DSG2: variants seen among roughly 807,000 people sequenced by gnomAD.
DSG2 encodes the protein desmoglein 2, also known as desmoglein-2.
Under a neutral mutation model 75.6 loss-of-function variants are expected in DSG2, and 45 were observed. The observed-to-expected ratio is 0.60, with a 90% confidence interval of 0.47 to 0.76. DSG2 has a LOEUF of 0.76. Among genes scored for constraint, DSG2 ranks in the 30% least tolerant of loss-of-function variants. The probability of loss-of-function intolerance (pLI) is 0.00; values close to 1 mark genes in which losing one functional copy is unlikely to be tolerated. For missense variants in DSG2, 1,267 were observed against 1,357.4 expected, an observed-to-expected ratio of 0.93 and a Z score of 1.05; for synonymous variants, 429 against 483.9, an observed-to-expected ratio of 0.89 and a Z score of 1.49.
At chr18:31,545,679 A>G in intron 14 of DSG2, 42 bp from the exon 15 acceptor site, 1 of 1,600,812 alleles carries the variant, frequency 6.2e-7, no homozygotes, top group South Asian at 1.1e-5. Context: ...ATTGCTAATT[A>G]TTTGTCTGTT....
At chr18:31,545,624 G>A in intron 14 of DSG2, 97 bp from the exon 15 acceptor site, 2 of 1,389,522 alleles carry the variant, frequency 1.4e-6, no homozygotes, top group Non-Finnish European at 2.0e-6. Flanking sequence ...TCACATTACT[G>A]CATTTTGAAC....
Position 31,526,139 on chromosome 18 carries a change from G to A in DSG2, c.1014+1251G>A, listed in dbSNP as rs1021189346. On this transcript the variant is annotated intron_variant, in intron 8 of 14. Transcript: ENST00000261590. Reference sequence around the variant, plus strand: ...AGCCTGGGCAATAGAGTGAGATTCCGTCTCAAGAAATATAGGTAAGGAATA... The same window carrying A: ...AGCCTGGGCAATAGAGTGAGATTCCATCTCAAGAAATATAGGTAAGGAATA... Among the ~76,000 whole-genome samples, 11 of 152,152 alleles carry A rather than the reference G, an allele frequency of 7.2e-5. No individual in the cohort carries two copies. The East Asian group carries it at 7.7e-4, about 11-fold the overall frequency.
chr18:31,525,081 A>G (rs945415753), intron 8 of DSG2, among the ~76,000 whole-genome samples, 193 bp downstream of exon 8: 1 of 152,202 alleles, frequency 6.6e-6, no homozygotes, highest in Non-Finnish European at 1.5e-5. Context: ...GTTCAAATTC[A>G]TATCAGGGGA....
At chr18:31,522,926 AC>A (rs2073137605) in intron 6 of DSG2, among the ~76,000 whole-genome samples, 1 of 152,240 alleles carries the variant, frequency 6.6e-6, no homozygotes, top group Non-Finnish European at 1.5e-5. Context: ...CGAACATTTC[AC>A]TTTATTATTT....
At chr18:31,511,591 T>C (rs188735209) in intron 1 of DSG2, among the ~76,000 whole-genome samples, 1 of 152,280 alleles carries the variant, frequency 6.6e-6, no homozygotes, top group Admixed American at 6.5e-5. Context: ...TTTTGTACAA[T>C]GAATGAAGCA....
At position 31,536,512 on chromosome 18, in the gene DSG2, A is replaced by C. The variant is rs943143131; in HGVS notation, c.1651+83A>C. The C allele has an allele frequency of 2.0e-5, 27 of 1,364,656 alleles. No individual in the cohort carries two copies. The African/African-American group carries it at 2.7e-4, about 14-fold the overall frequency. 84.5% of individuals were successfully genotyped at this position (1,364,656 alleles called of 1,614,324 possible). ...ATTTGTAAGTTGTATTTCTTCTCAT[A>C]AATTATATTTCCAATATAGTTTTTT... On this transcript the variant is annotated intron_variant, in intron 11 of 14. Coordinates refer to ENST00000261590, the MANE Select transcript of DSG2 (RefSeq NM_001943.5).
intron 1 of DSG2, among the ~76,000 whole-genome samples, chr18:31,505,155 C>G (rs1296305378): frequency 6.6e-6 from 1 of 152,216 alleles, no homozygotes; most frequent in African/African-American, 2.4e-5. Flanking sequence ...TCCTTATTTT[C>G]TACTTGCCAC....
At position 31,546,279 on chromosome 18, in the gene DSG2, G is replaced by C. The variant is rs1326783146; in HGVS notation, c.2893G>C (p.Glu965Gln). 1 of 1,602,698 alleles carries C rather than the reference G, an allele frequency of 6.2e-7. No homozygotes were observed. Among genetic ancestry groups the C allele is most frequent in the Non-Finnish European group, 8.5e-7 (1 of 1,173,620 alleles). Residue 965 changes from glutamate (E) to glutamine (Q), a missense_variant, in exon 15 of 15, where the codon GAG becomes CAG. By Grantham distance (29) the Glu-to-Gln change is conservative. Transcript: ENST00000261590. ...CCAGCCACAGAGCCTTATTGTGACAGAGAGGGTGTATGCTCCAGCTTCTAC... is the reference window on the plus strand; with the variant it reads ...CCAGCCACAGAGCCTTATTGTGACACAGAGGGTGTATGCTCCAGCTTCTAC... ...PSQPQSLIVT[E>Q]RVYAPASTLV...
At chr18:31,518,171 C>A in intron 1 of DSG2, 68 bp from the exon 2 acceptor site, 1 of 1,247,254 alleles carries the variant, frequency 8.0e-7, no homozygotes, top group South Asian at 1.2e-5. Flanking sequence ...GTAGGTTATT[C>A]ATGAACAATG....
chr18:31,520,490 T>C (rs1467848674), intron 3 of DSG2, among the ~76,000 whole-genome samples: 1 of 152,206 alleles, frequency 6.6e-6, no homozygotes, highest in Non-Finnish European at 1.5e-5. Flanking sequence ...CTTTTCTTCA[T>C]AAGTTCTACC....
intron 12 of DSG2, among the ~76,000 whole-genome samples, chr18:31,539,743 T>C (rs1199106202): frequency 1.3e-5 from 2 of 152,194 alleles, no homozygotes; most frequent in African/African-American, 4.8e-5. Flanking sequence ...ACCCCCAGGC[T>C]ACAGACCAGC....
At chr18:31,521,529 A>G (rs1011322088) in intron 5 of DSG2, among the ~76,000 whole-genome samples, 1 of 152,174 alleles carries the variant, frequency 6.6e-6, no homozygotes, top group African/African-American at 2.4e-5. Context: ...ATATGTAAAC[A>G]AATGAGCCTA....
At chr18:31,507,966 A>G (rs1223431569) in intron 1 of DSG2, among the ~76,000 whole-genome samples, 1 of 152,158 alleles carries the variant, frequency 6.6e-6, no homozygotes, top group Non-Finnish European at 1.5e-5. Flanking sequence ...TTTTGTTGCC[A>G]TTGCTTTAGG....
chr18:31,533,314 A>AT (rs539649135), intron 9 of DSG2, among the ~76,000 whole-genome samples: 4 of 151,340 alleles, frequency 2.6e-5, no homozygotes, highest in African/African-American at 7.3e-5. Context: ...ACAAAAAAAA[A>AT]TTTTTTTTTC....
Position 31,545,944 on chromosome 18 carries a change from A to T in DSG2, c.2558A>T (p.Gln853Leu). The part of the protein sequence containing the change: ...QKIDINKEIE[Q>L]RQKPATETSM... Reference sequence around the variant, plus strand: ...ATAGATATAAATAAGGAAATTGAGCAGAGACAAAAACCTGCCACAGAAACA... The same window carrying T: ...ATAGATATAAATAAGGAAATTGAGCTGAGACAAAAACCTGCCACAGAAACA... Residue 853 changes from glutamine (Q) to leucine (L), a missense_variant, in exon 15 of 15, where the codon CAG (glutamine) becomes CTG (leucine). By Grantham distance (113) the Gln-to-Leu change is moderately radical (BLOSUM62 -2). Transcript: ENST00000261590. 1.2e-6 allele frequency: 2 copies of T among 1,614,218 alleles called. No homozygotes were observed. Among genetic ancestry groups the T allele is most frequent in the Non-Finnish European group, 1.7e-6 (2 of 1,180,050 alleles).
chr18:31,513,217 C>A (rs2073076428), intron 1 of DSG2, among the ~76,000 whole-genome samples: 1 of 152,340 alleles, frequency 6.6e-6, no homozygotes, highest in East Asian at 1.9e-4. Context: ...TTGAACGATT[C>A]TGTAACTTAA....
intron 1 of DSG2, among the ~76,000 whole-genome samples, chr18:31,505,689 GTC>G (rs1483001188): frequency 6.3e-5 from 9 of 142,996 alleles, no homozygotes; most frequent in Non-Finnish European, 1.2e-4. Context: ...TTGAGATGGA[GTC>G]TCTCTCTTTC....
intron 1 of DSG2, among the ~76,000 whole-genome samples, chr18:31,501,025 G>A (rs530237045): frequency 2.6e-5 from 4 of 152,142 alleles, no homozygotes; most frequent in African/African-American, 9.6e-5. Context: ...ACATCTTATG[G>A]TGATCTCAAA....
At chr18:31,543,680 A>G (rs934407773) in intron 14 of DSG2, among the ~76,000 whole-genome samples, 2 of 152,124 alleles carry the variant, frequency 1.3e-5, no homozygotes, top group African/African-American at 4.8e-5. Flanking sequence ...AGCTTGGGCA[A>G]TATGTTAAAA....
Sources: gnomAD v4.1 joint callset for allele counts (sites outside exome capture counted in the v4.1 genomes callset) on GRCh38, gnomAD v4.1.1 for gene constraint, MANE v1.5 for transcripts, NCBI Gene and HGNC (gene_info 2026-07-23, HGNC 2026-07-21) for gene names.